Variants in ELF2 observed in about 807,000 individuals in gnomAD.
ELF2 encodes the protein E74 like ETS transcription factor 2.
In ELF2, 11 loss-of-function variants were observed where a neutral mutation model predicts 54.8. The ratio of observed to expected loss-of-function variants is 0.20; its 90% CI spans 0.13 to 0.33. The LOEUF is 0.33. Ranked by LOEUF, ELF2 falls within the 10% of genes least tolerant of loss-of-function variation. ELF2 has a pLI of 1.00. For synonymous variants in ELF2, 203 were observed against 245.1 expected, an observed-to-expected ratio of 0.83 and a Z score of 1.61; for missense variants, 513 against 703.0, an observed-to-expected ratio of 0.73 and a Z score of 3.06.
At chr4:139,076,056 A>G (rs935080040) in intron 4 of ELF2, among the ~76,000 whole-genome samples, 5 of 152,220 alleles carry the variant, frequency 3.3e-5, no homozygotes, top group Admixed American at 1.3e-4. Flanking sequence ...TGGGGGAAAA[A>G]ATCCAGTTCA....
At chr4:139,174,056 T>A in intron 1 of ELF2, among the ~76,000 whole-genome samples, 1 of 141,166 alleles carries the variant, frequency 7.1e-6, no homozygotes. Flanking sequence ...ACCCCATCTC[T>A]ACTAAAAATA....
At chr4:139,155,768 C>T (rs1185325970) in intron 1 of ELF2, among the ~76,000 whole-genome samples, 1 of 152,050 alleles carries the variant, frequency 6.6e-6, no homozygotes, top group Non-Finnish European at 1.5e-5. Context: ...AGAATGAGGT[C>T]GTTTTGAGGA....
At chr4:139,100,188 G>A (rs1309346312) in intron 4 of ELF2, among the ~76,000 whole-genome samples, 3 of 152,214 alleles carry the variant, frequency 2.0e-5, no homozygotes, top group Non-Finnish European at 4.4e-5. Context: ...CTAGGGTTGA[G>A]AGTGTGAAAT....
rs752150918 is a variant in ELF2 at position 139,073,481 on chromosome 4, T to A, written c.325A>T (p.Thr109Ser). 6.2e-7 allele frequency: 1 copy of A among 1,609,092 alleles called. No homozygotes were observed. Among genetic ancestry groups the A allele is most frequent in the Admixed American group, 1.7e-5 (1 of 59,822 alleles). ...AEALLHMESP[T>S]CLRDSRSPVE... ...GGACTTCTTGAATCCCTCAAGCAGGTAGGAGATTCCATATGAAGCAGGGCT... is the reference window on the plus strand; with the variant it reads ...GGACTTCTTGAATCCCTCAAGCAGGAAGGAGATTCCATATGAAGCAGGGCT... The change falls in exon 5 of 10, where the codon ACC becomes TCC. Residue 109 changes from threonine to serine, a missense_variant. Around this residue, in one of 3 missense-constraint regions of ELF2, gnomAD observed 203 missense variants for 245.9 expected, o/e 0.83. Coordinates refer to ENST00000686138, the MANE Select transcript of ELF2 (RefSeq NM_001331036.3).
chr4:139,116,156 C>T (rs1264662418), intron 4 of ELF2, among the ~76,000 whole-genome samples: 1 of 152,124 alleles, frequency 6.6e-6, no homozygotes, highest in African/African-American at 2.4e-5. Flanking sequence ...AATCTTTTAT[C>T]TAATAATACT....
At chr4:139,127,763 G>A (rs964818408) in intron 3 of ELF2, among the ~76,000 whole-genome samples, 1 of 151,922 alleles carries the variant, frequency 6.6e-6, no homozygotes. Flanking sequence ...TCAGGTGTTC[G>A]AGACCAACCT....
At chr4:139,060,234 A>C in intron 9 of ELF2, 90 bp downstream of exon 9, 9 of 1,174,194 alleles carry the variant, frequency 7.7e-6, no homozygotes, top group Non-Finnish European at 1.1e-5. Context: ...TTCTTAGAAC[A>C]CTAATATTAA....
intron 4 of ELF2, among the ~76,000 whole-genome samples, chr4:139,076,553 T>C (rs776066510): frequency 6.6e-6 from 1 of 152,206 alleles, no homozygotes; most frequent in Admixed American, 6.5e-5. Context: ...ATTAATAAAC[T>C]ATCCTGGGCA....
intron 4 of ELF2, among the ~76,000 whole-genome samples, chr4:139,089,146 C>T (rs1732323217): frequency 6.6e-6 from 1 of 152,144 alleles, no homozygotes; most frequent in South Asian, 2.1e-4. Context: ...GTCCTAATTT[C>T]CAATTGTATA....
chr4:139,062,783 T>C (rs1728071488), intron 7 of ELF2, among the ~76,000 whole-genome samples: 1 of 152,182 alleles, frequency 6.6e-6, no homozygotes, highest in Admixed American at 6.5e-5. Flanking sequence ...ACGAAATGTG[T>C]AAAACTTTTA....
chr4:139,130,336 C>T (rs959666352), intron 3 of ELF2, among the ~76,000 whole-genome samples: 1 of 152,166 alleles, frequency 6.6e-6, no homozygotes, highest in Non-Finnish European at 1.5e-5. Context: ...GTTTACAGTA[C>T]TTTGTTACAG....
intron 1 of ELF2, among the ~76,000 whole-genome samples, chr4:139,173,279 T>C (rs2148921008): frequency 6.6e-6 from 1 of 152,208 alleles, no homozygotes. Flanking sequence ...TGGTATCAGG[T>C]AAGTCAAAAG....
At chr4:139,078,638 G>C (rs1224557225) in intron 4 of ELF2, among the ~76,000 whole-genome samples, 1 of 149,894 alleles carries the variant, frequency 6.7e-6, no homozygotes, top group Non-Finnish European at 1.5e-5. Context: ...GATGAGATCA[G>C]CCAGAAATTA....
chr4:139,100,059 T>C (rs555937794), intron 4 of ELF2, among the ~76,000 whole-genome samples: 1 of 152,314 alleles, frequency 6.6e-6, no homozygotes, highest in South Asian at 2.1e-4. Flanking sequence ...ATAATTTGTA[T>C]TGTGAGGGGA....
chr4:139,071,093 G>C (rs1729442733), intron 6 of ELF2, among the ~76,000 whole-genome samples: 1 of 152,058 alleles, frequency 6.6e-6, no homozygotes, highest in African/African-American at 2.4e-5. Flanking sequence ...AGTGGGATGG[G>C]GGGAGCAGAA....
chr4:139,085,354 A>G (rs1731863940), intron 4 of ELF2, among the ~76,000 whole-genome samples: 1 of 152,246 alleles, frequency 6.6e-6, no homozygotes, highest in African/African-American at 2.4e-5. Flanking sequence ...TGCCTCCTAC[A>G]GAGTAAGTGC....
chr4:139,099,592 T>G (rs1733657999), intron 4 of ELF2, among the ~76,000 whole-genome samples: 1 of 152,208 alleles, frequency 6.6e-6, no homozygotes, highest in African/African-American at 2.4e-5. Context: ...AAACCACAGC[T>G]GGACCTTAGA....
rs553131868 is a variant in ELF2 at position 139,160,609 on chromosome 4, T to C, written c.-252+16358A>G. 2.0e-5 allele frequency among the ~76,000 whole-genome samples: 3 copies of C among 151,956 alleles called. No individual in the cohort carries two copies. The South Asian group carries it at 6.2e-4, about 32-fold the overall frequency. ...TATCAGGAATGATCTTGAAAAAGGG[T>C]CAGTGGAAGAAACACTGACCCTGTC... On this transcript the variant is annotated intron_variant, in intron 1 of 9. Transcript: ENST00000686138.
At position 139,137,869 on chromosome 4, in the gene ELF2, TA is replaced by T; in HGVS notation, c.-166-3del. On this transcript the variant is annotated splice_polypyrimidine_tract_variant and splice_region_variant and intron_variant, in intron 2 of 9. Coordinates refer to ENST00000686138, the MANE Select transcript of ELF2 (RefSeq NM_001331036.3). ...TCTAAAGATGATTAACCAGAAAGCC[TA>T]AAAAGAGGAAGAATTTGAAAAGTTA... The T allele has an allele frequency of 7.7e-7, 1 of 1,301,992 alleles. No homozygotes were observed. The highest frequency in any genetic ancestry group is 9.8e-7 in the Non-Finnish European group (1 of 1,025,228). 80.7% of individuals were successfully genotyped at this position (1,301,992 alleles called of 1,614,324 possible).
Sources: allele counts gnomAD v4.1 joint callset (sites outside exome capture counted in the v4.1 genomes callset), GRCh38; gene constraint gnomAD v4.1.1; regional missense constraint gnomAD v4.1.1; transcripts MANE v1.5; gene names NCBI Gene and HGNC (gene_info 2026-07-23, HGNC 2026-07-21).